PTPRN2: variants seen among roughly 807,000 people sequenced by gnomAD.
PTPRN2 encodes receptor-type tyrosine-protein phosphatase N2.
A neutral mutation model predicts 118.8 loss-of-function variants in PTPRN2; 74 were observed. The observed-to-expected ratio is 0.62, with a 90% CI of 0.52 to 0.76. The LOEUF (loss-of-function observed/expected upper bound fraction) is 0.76. PTPRN2 is among the 30% of genes least tolerant of loss of function. The pLI is 0.00. For synonymous variants in PTPRN2, 641 were observed against 608.0 expected, an observed-to-expected ratio of 1.05 and a Z score of -0.80; for missense variants, 1,481 against 1,394.4, an observed-to-expected ratio of 1.06 and a Z score of -0.99.
chr7:158,395,752 T>C (rs191064573), intron 2 of PTPRN2, among the ~76,000 whole-genome samples: 5,570 of 9,006 alleles, frequency 0.62, 1,273 homozygotes, highest in East Asian at 0.76. Context: ...GGGCGAGGGG[T>C]GAGGCGCGAG....
intron 2 of PTPRN2, among the ~76,000 whole-genome samples, chr7:158,477,022 G>A (rs1820323741): frequency 6.6e-6 from 1 of 152,214 alleles, no homozygotes; most frequent in African/African-American, 2.4e-5. Flanking sequence ...ATAAGGCTGA[G>A]CTTCACATAG....
At chr7:158,312,962 G>A (rs1376918658) in intron 3 of PTPRN2, among the ~76,000 whole-genome samples, 1 of 151,832 alleles carries the variant, frequency 6.6e-6, no homozygotes, top group Non-Finnish European at 1.5e-5. Context: ...GTGTGCGTGT[G>A]TGCATGTCTA....
At chr7:157,904,694 C>T (rs1031460136) in intron 11 of PTPRN2, among the ~76,000 whole-genome samples, 27 of 152,246 alleles carry the variant, frequency 1.8e-4, no homozygotes, top group Admixed American at 1.3e-3. Context: ...CCCTGTGTTC[C>T]GGCCGCTTTC....
At chr7:158,333,890 G>C (rs1395126885) in intron 2 of PTPRN2, among the ~76,000 whole-genome samples, 2 of 138,944 alleles carry the variant, frequency 1.4e-5, no homozygotes, top group African/African-American at 2.8e-5. Context: ...CTCACCATAA[G>C]AGCTGACACC....
At chr7:157,631,349 G>C (rs550684979) in intron 14 of PTPRN2, among the ~76,000 whole-genome samples, 2 of 152,312 alleles carry the variant, frequency 1.3e-5, no homozygotes, top group African/African-American at 4.8e-5. Flanking sequence ...CGTGTGGTGC[G>C]TGTTGGTTTT....
At chr7:157,879,182 A>G (rs925552031) in intron 12 of PTPRN2, among the ~76,000 whole-genome samples, 8 of 140,064 alleles carry the variant, frequency 5.7e-5, no homozygotes, top group African/African-American at 2.2e-4. Context: ...ACCCACACTT[A>G]CTCACCGAGG....
chr7:158,274,390 G>A (rs35340512), intron 3 of PTPRN2, among the ~76,000 whole-genome samples: 28,369 of 95,228 alleles, frequency 0.3, 4,543 homozygotes, highest in African/African-American at 0.41. Context: ...GGAGCCGCAG[G>A]CACAGGGGGA....
chr7:157,840,013 A>T (rs1299773145), intron 12 of PTPRN2, among the ~76,000 whole-genome samples: 1 of 131,248 alleles, frequency 7.6e-6, no homozygotes, highest in Non-Finnish European at 1.6e-5. Flanking sequence ...ACTGTGTGTG[A>T]CTGTGTGACT....
rs377345271 is a variant in PTPRN2, at chr7:158,269,438, C to T, written c.277+47381G>A. Among the ~76,000 whole-genome samples, 276 of 152,342 alleles carry T rather than the reference C, an allele frequency of 1.8e-3. 1 individual carries two copies. The highest frequency in any genetic ancestry group is 6.1e-3 in the African/African-American group (253 of 41,588). On this transcript the variant is annotated intron_variant, in intron 3 of 22. Coordinates refer to ENST00000389418, the MANE Select transcript of PTPRN2 (RefSeq NM_002847.5). ...CAGCTGCCATCCTGTGCCCAGTCCC[C>T]GGGGCATACCTGCAGCCCAGGCTGG...
chr7:157,557,022 C>A (rs985820252), intron 21 of PTPRN2, among the ~76,000 whole-genome samples: 1 of 151,412 alleles, frequency 6.6e-6, no homozygotes, highest in Non-Finnish European at 1.5e-5. Flanking sequence ...CACATATATA[C>A]AGGCATGCAC....
At chr7:157,747,835 T>A (rs1563066664) in intron 12 of PTPRN2, among the ~76,000 whole-genome samples, 1 of 128,808 alleles carries the variant, frequency 7.8e-6, no homozygotes, top group South Asian at 2.7e-4. Context: ...CCCTGAGCTT[T>A]GGGCTGTCCG....
Position 157,775,176 on chromosome 7 carries a change from T to C in PTPRN2, c.1789-92239A>G, listed in dbSNP as rs529446772. On this transcript the variant is annotated intron_variant, in intron 12 of 22. Coordinates refer to ENST00000389418, the MANE Select transcript of PTPRN2 (RefSeq NM_002847.5). ...ACGGCAGTGTAGGCTCAGATGTGACTTGGGAAGATGGCGCCACTCTGCAGG... is the reference window on the plus strand; with the variant it reads ...ACGGCAGTGTAGGCTCAGATGTGACCTGGGAAGATGGCGCCACTCTGCAGG... 1.7e-4 allele frequency among the ~76,000 whole-genome samples: 26 copies of C among 152,202 alleles called. No individual in the cohort carries two copies. In the East Asian group the frequency reaches 4.1e-3, roughly 24 times the overall value.
chr7:158,333,917 A>G (rs62480913), intron 2 of PTPRN2, among the ~76,000 whole-genome samples: 20,889 of 108,770 alleles, frequency 0.19, 60 homozygotes, highest in Non-Finnish European at 0.24. Flanking sequence ...CGTCACTCAC[A>G]CCCACACTCT....
chr7:157,786,770 A>C (rs1024253995), intron 12 of PTPRN2, among the ~76,000 whole-genome samples: 1 of 152,256 alleles, frequency 6.6e-6, no homozygotes, highest in African/African-American at 2.4e-5. Flanking sequence ...ACATTTAAAA[A>C]CGCGTAAGAC....
At chr7:158,116,029 A>G (rs1260486713) in intron 9 of PTPRN2, among the ~76,000 whole-genome samples, 2 of 152,200 alleles carry the variant, frequency 1.3e-5, no homozygotes, top group Non-Finnish European at 2.9e-5. Context: ...CCCTGCATGG[A>G]GCGGTGAAGT....
rs112343839 is a variant in PTPRN2, at chr7:158,167,178, G to A, written c.663C>T (p.Leu221=). The change falls in exon 6 of 23, where the codon CTC becomes CTT. Residue 221 remains leucine (L), a synonymous_variant. Coordinates refer to ENST00000389418, the MANE Select transcript of PTPRN2 (RefSeq NM_002847.5). ...QLREDLLPRT[L]GQLQPDELSP... is the part of the protein sequence containing the mutation. Reference sequence around the variant, plus strand: ...TGAGCTCATCTGGCTGGAGCTGGCCGAGGGTCCGCGGCAGGAGGTCCTCGC... The same window carrying A: ...TGAGCTCATCTGGCTGGAGCTGGCCAAGGGTCCGCGGCAGGAGGTCCTCGC... 520 of 1,613,754 alleles carry A rather than the reference G, an allele frequency of 3.2e-4. No homozygotes were observed. Among genetic ancestry groups the A allele is most frequent in the Non-Finnish European group, 3.9e-4 (462 of 1,179,978 alleles).
intron 10 of PTPRN2, among the ~76,000 whole-genome samples, chr7:158,096,680 CA>C (rs1563429203): frequency 6.6e-6 from 1 of 152,236 alleles, no homozygotes; most frequent in Non-Finnish European, 1.5e-5. Flanking sequence ...TCAGACAGGG[CA>C]CTGAAGACGA....
At chr7:158,054,329 A>C (rs540135716) in intron 11 of PTPRN2, among the ~76,000 whole-genome samples, 49 of 152,314 alleles carry the variant, frequency 3.2e-4, no homozygotes, top group African/African-American at 1.1e-3. Flanking sequence ...TGAAGTCCCA[A>C]AGTGGGACAG....
chr7:158,244,951 G>A (rs371681627), intron 3 of PTPRN2, among the ~76,000 whole-genome samples: 77 of 152,310 alleles, frequency 5.1e-4, no homozygotes, highest in African/African-American at 1.8e-3. Context: ...TGGGAGAAGC[G>A]ACAGGCCTGA....
Sources: allele counts gnomAD v4.1 joint callset (sites outside exome capture counted in the v4.1 genomes callset), GRCh38; gene constraint gnomAD v4.1.1; transcripts MANE v1.5; gene names NCBI Gene and HGNC (gene_info 2026-07-23, HGNC 2026-07-21).